Variants in ARFGEF2 observed in about 807,000 individuals in gnomAD.
ARFGEF2 encodes the protein brefeldin A-inhibited guanine nucleotide-exchange protein 2.
Under a neutral mutation model 219.9 loss-of-function variants are expected in ARFGEF2, and 74 were observed. The ratio of observed to expected loss-of-function variants is 0.34; its 90% confidence interval spans 0.28 to 0.41. ARFGEF2 has a LOEUF of 0.41. ARFGEF2 is among the 10% of genes least tolerant of loss of function. The probability of loss-of-function intolerance (pLI) is 1.00; values close to 1 mark genes in which losing one functional copy is unlikely to be tolerated. For synonymous variants in ARFGEF2, 733 were observed against 799.2 expected, an observed-to-expected ratio of 0.92 and a Z score of 1.40; for missense variants, 1,743 against 2,218.3, an observed-to-expected ratio of 0.79 and a Z score of 4.30.
Position 48,971,371 on chromosome 20 carries a change from T to G in ARFGEF2, c.1425+17T>G, listed in dbSNP as rs762403092. ...CAGATAGAGGTACGGATTCCAAAGTTTTTTCATTTCATTATTTACTATTAT... is the reference window on the plus strand; with the variant it reads ...CAGATAGAGGTACGGATTCCAAAGTGTTTTCATTTCATTATTTACTATTAT... On this transcript the variant is annotated intron_variant, in intron 10 of 38. Transcript: ENST00000371917. The G allele has an allele frequency of 6.3e-7, 1 of 1,578,208 alleles. No homozygotes were observed. Among genetic ancestry groups the G allele is most frequent in the Non-Finnish European group, 8.7e-7 (1 of 1,148,032 alleles).
At chr20:48,923,828 C>T (rs906791822) in intron 1 of ARFGEF2, among the ~76,000 whole-genome samples, 5 of 152,216 alleles carry the variant, frequency 3.3e-5, no homozygotes, top group Admixed American at 2.0e-4. Flanking sequence ...TCATCTGGGT[C>T]ATGAAGGGCC....
In ARFGEF2 at chr20:49,015,379, C is replaced by T. The variant is rs149062426; in HGVS notation, c.4180-901C>T. 7.1e-3 allele frequency among the ~76,000 whole-genome samples: 1,076 copies of T among 152,308 alleles called. 7 individuals are homozygous for T. The highest frequency in any genetic ancestry group is 0.01 in the Non-Finnish European group (705 of 68,024). On this transcript the variant is annotated intron_variant, in intron 30 of 38. Transcript: ENST00000371917. ...TCCACCCGCCTCAGCCTCCAAAGTG[C>T]AGGGATTACAGGTGTGAGCCACCAC...
rs566187273 is a variant in ARFGEF2, at chr20:48,995,645, G to A, written c.3122-138G>A. On this transcript the variant is annotated intron_variant, in intron 22 of 38. Transcript: ENST00000371917. ...CAAAACTTTAATTTTATCATCAGTG[G>A]GTTTTTGTTTCTTTTTTGAACTTGC... 9.6e-4 allele frequency: 741 copies of A among 772,212 alleles called. 5 individuals are homozygous for A. In the East Asian group the frequency reaches 0.013, roughly 14 times the overall value. The allele number at this position is 772,212 out of a possible 1,614,324, so 47.8% of individuals were successfully genotyped here.
chr20:48,985,295 C>A, intron 15 of ARFGEF2, 113 bp from the exon 16 acceptor site: 1 of 1,125,680 alleles, frequency 8.9e-7, no homozygotes, highest in Non-Finnish European at 1.3e-6. Flanking sequence ...ACCAGTCCAG[C>A]CTATTCTGGG....
At chr20:48,978,987 C>G (rs1456922703) in intron 14 of ARFGEF2, among the ~76,000 whole-genome samples, 6 of 152,124 alleles carry the variant, frequency 3.9e-5, no homozygotes, top group Non-Finnish European at 8.8e-5. Flanking sequence ...CCTGATTGCC[C>G]TGGCCAGAAC....
intron 1 of ARFGEF2, 70 bp downstream of exon 1, chr20:48,922,080 C>T (rs2090845221): frequency 1.3e-6 from 2 of 1,517,098 alleles, no homozygotes; most frequent in African/African-American, 1.4e-5. Context: ...TCCTACTCGG[C>T]CTTGGCCCGG....
chr20:49,012,192 T>G, intron 28 of ARFGEF2, 108 bp downstream of exon 28: 1 of 1,453,250 alleles, frequency 6.9e-7, no homozygotes, highest in South Asian at 1.2e-5. Context: ...TAGAAATGTG[T>G]GTTTGCCCTA....
chr20:48,948,366 C>G (rs1041982225), intron 3 of ARFGEF2, among the ~76,000 whole-genome samples: 1 of 152,176 alleles, frequency 6.6e-6, no homozygotes, highest in Non-Finnish European at 1.5e-5. Context: ...TGCCACCATT[C>G]CATCTCTCGC....
At position 48,976,048 on chromosome 20, in the gene ARFGEF2, G is replaced by C; in HGVS notation, c.1807G>C (p.Asp603His). The change falls in exon 14 of 39, where the codon GAT becomes CAT. Residue 603 changes from aspartate (D) to histidine (H), a missense_variant. Physicochemically the swap from Asp to His is moderately conservative, Grantham distance 81. Transcript: ENST00000371917. ...GAGGCTCACGGATCAGGAAATAGGG[G>C]ATGGGAAAGGCCTTGACATGGCAAG... ...QERLTDQEIG[D>H]GKGLDMARRC... 1 of 1,612,626 alleles carries C rather than the reference G, an allele frequency of 6.2e-7. No individual in the cohort carries two copies. Among genetic ancestry groups the C allele is most frequent in the Non-Finnish European group, 8.5e-7 (1 of 1,180,016 alleles).
intron 14 of ARFGEF2, among the ~76,000 whole-genome samples, chr20:48,982,360 TCCTTCCTCTGGAAGCATCGTCC>T (rs1211896671): frequency 6.6e-6 from 1 of 152,156 alleles, no homozygotes; most frequent in Non-Finnish European, 1.5e-5. Context: ...TGCTGCCTGA[TCCTTCCTCTGGAAGCATCGTCC>T]CAGAGGGGCA....
intron 19 of ARFGEF2, 46 bp from the exon 20 acceptor site, chr20:48,989,510 C>A (rs921574600): frequency 2.5e-6 from 4 of 1,614,224 alleles, no homozygotes; most frequent in Non-Finnish European, 8.5e-7. Flanking sequence ...AGTACTCTTT[C>A]CACGCTAAAA....
intron 13 of ARFGEF2, 43 bp from the exon 14 acceptor site, chr20:48,975,973 C>A (rs373544013): frequency 6.2e-6 from 10 of 1,608,940 alleles, no homozygotes; most frequent in Non-Finnish European, 8.5e-6. Flanking sequence ...GTGTCTGTGT[C>A]CCACTTGCTT....
chr20:48,993,088 T>A (rs568124957), intron 21 of ARFGEF2, among the ~76,000 whole-genome samples: 1 of 152,306 alleles, frequency 6.6e-6, no homozygotes, highest in Non-Finnish European at 1.5e-5. Flanking sequence ...GTGTGCTTTT[T>A]AAAATCATTT....
In ARFGEF2 at chr20:48,969,267, C is replaced by T. The variant is rs557395705; in HGVS notation, c.1180C>T (p.Pro394Ser). ...CATGAAACCCCTTGGTGAAGGCCCTCCAGACCCAAAGTAAGCAGACAGCAG... is the reference window on the plus strand; with the variant it reads ...CATGAAACCCCTTGGTGAAGGCCCTTCAGACCCAAAGTAAGCAGACAGCAG... ...LSMKPLGEGP[P>S]DPKSHELRSK... is the part of the protein sequence containing the mutation. Residue 394 changes from proline to serine, a missense_variant, in exon 9 of 39, where the codon CCA (proline) becomes TCA (serine). Pro to Ser is a moderately conservative substitution (Grantham distance 74, BLOSUM62 -1). Around this residue, in one of 5 missense-constraint regions of ARFGEF2, gnomAD observed 666 missense variants for 955.4 expected, o/e 0.70. Transcript: ENST00000371917. The T allele has an allele frequency of 2.3e-5, 37 of 1,614,116 alleles. No homozygotes were observed. Among genetic ancestry groups the T allele is most frequent in the Non-Finnish European group, 3.0e-5 (35 of 1,180,030 alleles).
chr20:49,032,150 A>G lies in ARFGEF2; in HGVS notation c.5165A>G (p.Lys1722Arg). ...TTGTTACTTCTAACTAAAACCCTCAAAATAAATGATGAAAAGGTATGAACA... is the reference window on the plus strand; with the variant it reads ...TTGTTACTTCTAACTAAAACCCTCAGAATAAATGATGAAAAGGTATGAACA... ...LLLLLLTKTLKINDEKFKAHA... is the reference protein window; with the variant it reads ...LLLLLLTKTLRINDEKFKAHA... The change falls in exon 38 of 39, where the codon AAA (lysine) becomes AGA (arginine). Residue 1722 changes from lysine (K) to arginine (R), a missense_variant. Lys to Arg is a conservative substitution (Grantham distance 26, BLOSUM62 2). Transcript: ENST00000371917. The G allele has an allele frequency of 1.2e-6, 2 of 1,612,910 alleles. No individual in the cohort carries two copies.
chr20:48,982,706 A>G (rs2091304035), intron 14 of ARFGEF2, among the ~76,000 whole-genome samples: 1 of 152,088 alleles, frequency 6.6e-6, no homozygotes, highest in African/African-American at 2.4e-5. Context: ...GCAATGGCAG[A>G]CACCCCTCCC....
rs916956325 is a variant in ARFGEF2 at position 48,922,142 on chromosome 20, T to G, written c.121+132T>G. ...CCCGAATTCCACCCTTCCGGCCTCC[T>G]CCTCATTATACCCCCGGAGGAAGTG... On this transcript the variant is annotated intron_variant, in intron 1 of 38. Coordinates refer to ENST00000371917, the MANE Select transcript of ARFGEF2 (RefSeq NM_006420.3). 3 of 1,375,960 alleles carry G rather than the reference T, an allele frequency of 2.2e-6. No individual in the cohort carries two copies. In the African/African-American group the frequency reaches 4.4e-5, roughly 20 times the overall value. 85.2% of individuals were successfully genotyped at this position (1,375,960 alleles called of 1,614,324 possible). A position where few individuals can be genotyped will look rare whatever the true frequency, so the allele number is the denominator to read the frequency against.
At chr20:48,928,715 C>T (rs1024442304) in intron 1 of ARFGEF2, among the ~76,000 whole-genome samples, 10 of 151,832 alleles carry the variant, frequency 6.6e-5, no homozygotes, top group Middle Eastern at 3.4e-3. Context: ...AGGATGGTTT[C>T]GATCTCCTGA....
intron 1 of ARFGEF2, among the ~76,000 whole-genome samples, chr20:48,928,643 C>T (rs1288442395): frequency 2.7e-5 from 4 of 150,138 alleles, no homozygotes; most frequent in Non-Finnish European, 4.4e-5. Flanking sequence ...CACAGGCGCC[C>T]GCCACCACAC....
Sources: gnomAD v4.1 joint callset for allele counts (sites outside exome capture counted in the v4.1 genomes callset) on GRCh38, gnomAD v4.1.1 for gene constraint, gnomAD v4.1.1 regional missense constraint, MANE v1.5 for transcripts, NCBI Gene and HGNC (gene_info 2026-07-23, HGNC 2026-07-21) for gene names.